PDE1C: variants seen among roughly 807,000 people sequenced by gnomAD.
PDE1C encodes the protein phosphodiesterase 1C, also known as dual specificity calcium/calmodulin-dependent 3',5'-cyclic nucleotide phosphodiesterase 1C.
In PDE1C, 62 loss-of-function variants were observed where a neutral mutation model predicts 93.1. The ratio of observed to expected loss-of-function variants is 0.67; its 90% CI spans 0.54 to 0.82. The LOEUF (loss-of-function observed/expected upper bound fraction) is 0.82. Ranked by LOEUF, PDE1C falls within the 40% of genes least tolerant of loss-of-function variation. The pLI is 0.00. For synonymous variants in PDE1C, 325 were observed against 310.1 expected (o/e 1.05, Z -0.50); for missense variants, 742 against 884.6 (o/e 0.84, Z 2.04).
chr7:31,886,840 TTTTCGG>T (rs1562972501), intron 2 of PDE1C, among the ~76,000 whole-genome samples: 37 of 148,302 alleles, frequency 2.5e-4, no homozygotes, highest in African/African-American at 8.6e-4. Context: ...AGAATAGATC[TTTTCGG>T]ATCTTTTCAG....
chr7:31,960,510 T>C (rs1354214182), intron 2 of PDE1C, among the ~76,000 whole-genome samples: 2 of 152,202 alleles, frequency 1.3e-5, no homozygotes, highest in African/African-American at 4.8e-5. Context: ...AGTGGTGGAA[T>C]TTTAATACAA....
At chr7:32,090,107 T>G (rs1477823717) in intron 3 of PDE1C, among the ~76,000 whole-genome samples, 4 of 152,136 alleles carry the variant, frequency 2.6e-5, no homozygotes, top group African/African-American at 7.2e-5. Flanking sequence ...ACAAGGGAGC[T>G]TGGATTAAAT....
intron 2 of PDE1C, among the ~76,000 whole-genome samples, chr7:31,962,522 G>A (rs1278471226): frequency 2.6e-5 from 4 of 152,208 alleles, no homozygotes; most frequent in Admixed American, 2.0e-4. Flanking sequence ...GGACTGGGCA[G>A]GAGGGGTCAG....
the PDE1C span, among the ~76,000 whole-genome samples, chr7:31,626,675 G>A: frequency 3.9e-5 from 6 of 152,126 alleles, no homozygotes; most frequent in Non-Finnish European, 7.4e-5. Flanking sequence ...AGTGCTTCTG[G>A]ATCCCTAAAG....
the PDE1C span, among the ~76,000 whole-genome samples, chr7:31,691,241 C>T: frequency 2.0e-5 from 3 of 152,160 alleles, no homozygotes; most frequent in African/African-American, 4.8e-5. Flanking sequence ...AAGAGACCCT[C>T]CCACCTTTTC....
At chr7:32,217,552 C>A (rs1274036855) in intron 1 of PDE1C, among the ~76,000 whole-genome samples, 1 of 152,200 alleles carries the variant, frequency 6.6e-6, no homozygotes, top group Non-Finnish European at 1.5e-5. Flanking sequence ...CTGGCGATGG[C>A]TGAATCGTGT....
chr7:31,645,819 A>T, the PDE1C span, among the ~76,000 whole-genome samples: 2 of 152,170 alleles, frequency 1.3e-5, no homozygotes, highest in African/African-American at 2.4e-5. Flanking sequence ...AAACATCCTA[A>T]AATACAGAGA....
intron 1 of PDE1C, among the ~76,000 whole-genome samples, chr7:32,374,256 G>GAAGAAAGGAAGAAAGA (rs1554314009): frequency 3.5e-5 from 4 of 113,250 alleles, no homozygotes; most frequent in East Asian, 5.5e-4. Flanking sequence ...GAAAGGAAAG[G>GAAGAAAGGAAGAAAGA]AAGAAAGAAA....
At chr7:31,961,010 C>A (rs553136045) in intron 2 of PDE1C, among the ~76,000 whole-genome samples, 8 of 152,110 alleles carry the variant, frequency 5.3e-5, no homozygotes, top group Non-Finnish European at 1.2e-4. Context: ...CAAATTGACA[C>A]GTTCTGTCTG....
intron 17 of PDE1C, among the ~76,000 whole-genome samples, chr7:31,775,367 G>A (rs955881982): frequency 7.9e-5 from 12 of 152,096 alleles, no homozygotes; most frequent in East Asian, 3.9e-4. Context: ...TCCCTTGCAC[G>A]ATCTGCCTCT....
intron 3 of PDE1C, among the ~76,000 whole-genome samples, chr7:32,096,250 A>T (rs939410833): frequency 6.6e-6 from 1 of 152,192 alleles, no homozygotes; most frequent in African/African-American, 2.4e-5. Flanking sequence ...CTTCATGCTC[A>T]TTCATTCACT....
chr7:31,960,167 G>A (rs532560674), intron 2 of PDE1C, among the ~76,000 whole-genome samples: 12 of 152,146 alleles, frequency 7.9e-5, no homozygotes, highest in Middle Eastern at 3.4e-3. Context: ...GAGCCACCGC[G>A]CCCGGCCTCA....
intron 1 of PDE1C, among the ~76,000 whole-genome samples, chr7:32,277,020 A>C (rs1372821211): frequency 6.6e-6 from 1 of 152,168 alleles, no homozygotes; most frequent in Non-Finnish European, 1.5e-5. Flanking sequence ...TGGGAGACTA[A>C]AGCAGGCAGA....
At chr7:31,873,092 C>T (rs1379233424) in intron 6 of PDE1C, among the ~76,000 whole-genome samples, 200 bp downstream of exon 6, 4 of 152,088 alleles carry the variant, frequency 2.6e-5, no homozygotes, top group African/African-American at 7.2e-5. Flanking sequence ...TCTCCCATGC[C>T]GCTGAGACCC....
chr7:32,127,186 G>C (rs1481876846), intron 3 of PDE1C, among the ~76,000 whole-genome samples: 1 of 152,142 alleles, frequency 6.6e-6, no homozygotes, highest in African/African-American at 2.4e-5. Flanking sequence ...CTTCAGAAGA[G>C]AATAATACCA....
chr7:32,159,545 T>C (rs1801782805), intron 3 of PDE1C, among the ~76,000 whole-genome samples: 1 of 152,214 alleles, frequency 6.6e-6, no homozygotes. Flanking sequence ...GTTTTTGAGA[T>C]ATTTCCCAGT....
chr7:32,317,587 T>C (rs549010376), intron 1 of PDE1C, among the ~76,000 whole-genome samples: 1 of 118,672 alleles, frequency 8.4e-6, no homozygotes. Context: ...AAAGTGATAG[T>C]TTTTTTTTTT....
chr7:31,803,399 T>TTATTA (rs372230970), intron 16 of PDE1C, among the ~76,000 whole-genome samples: 1,923 of 150,176 alleles, frequency 0.013, 44 homozygotes, highest in African/African-American at 0.041. Context: ...GCTTTTTCTT[T>TTATTA]TTATTATTAT....
intron 2 of PDE1C, among the ~76,000 whole-genome samples, chr7:31,914,375 A>C (rs1583938154): frequency 6.6e-6 from 1 of 152,324 alleles, no homozygotes; most frequent in South Asian, 2.1e-4. Context: ...TCCGAGAAGA[A>C]CTTAGTGATT....
Sources: gnomAD v4.1 joint callset for allele counts (sites outside exome capture counted in the v4.1 genomes callset) on GRCh38, gnomAD v4.1.1 for gene constraint, MANE v1.5 for transcripts, NCBI Gene and HGNC (gene_info 2026-07-23, HGNC 2026-07-21) for gene names.